NBEA: variants seen among roughly 807,000 people sequenced by gnomAD.
The protein encoded by NBEA is neurobeachin.
NBEA carries 44 observed loss-of-function variants against 343.4 expected under a neutral mutation model. The ratio of observed to expected loss-of-function variants is 0.13; its 90% CI spans 0.10 to 0.16. The LOEUF (loss-of-function observed/expected upper bound fraction) is 0.16, where lower values mean the gene tolerates loss of function less well. Ranked by LOEUF, NBEA falls within the 10% of genes least tolerant of loss-of-function variation. NBEA has a pLI of 1.00. For missense variants in NBEA, 2,555 were observed against 3,631.3 expected, an observed-to-expected ratio of 0.70 and a Z score of 7.62; for synonymous variants, 1,175 against 1,238.7, an observed-to-expected ratio of 0.95 and a Z score of 1.08.
intron 39 of NBEA, among the ~76,000 whole-genome samples, chr13:35,438,686 A>C (rs1431904534): frequency 6.6e-6 from 1 of 152,192 alleles, no homozygotes; most frequent in Non-Finnish European, 1.5e-5. Context: ...TTAATGATGT[A>C]AATTTTTAGA....
chr13:35,212,966 CTTATCA>C (rs1408509516), intron 33 of NBEA, among the ~76,000 whole-genome samples: 1 of 151,380 alleles, frequency 6.6e-6, no homozygotes, highest in African/African-American at 2.4e-5. Context: ...TCTGGCTTTT[CTTATCA>C]TTATCAATAT....
In NBEA at chr13:34,993,594, C is replaced by CA. The variant is rs1028785027; in HGVS notation, c.295-47338dup. Among the ~76,000 whole-genome samples the CA allele has an allele frequency of 8.9e-4, 136 of 152,252 alleles. 1 individual carries two copies. The highest frequency in any genetic ancestry group is 3.4e-3 in the Middle Eastern group (1 of 292). On this transcript the variant is annotated intron_variant, in intron 1 of 58. Coordinates refer to ENST00000379939, the MANE Select transcript of NBEA (RefSeq NM_001385012.1). ...TCCCTACCAGTTCCTATTTCTGACT[C>CA]AGAGTGAGGAAGTTAGTCTCCAAAA...
At chr13:35,097,738 A>G (rs1171656558) in intron 10 of NBEA, among the ~76,000 whole-genome samples, 1 of 150,604 alleles carries the variant, frequency 6.6e-6, no homozygotes, top group African/African-American at 2.4e-5. Flanking sequence ...AAATCATTTT[A>G]TTTGCTCTCA....
chr13:35,355,263 T>C (rs1015857762), intron 38 of NBEA, among the ~76,000 whole-genome samples: 122 of 152,010 alleles, frequency 8.0e-4, no homozygotes, highest in African/African-American at 2.8e-3. Context: ...AGTCTTTCTT[T>C]TTATATTTTT....
chr13:35,236,684 C>G (rs2075252395), intron 34 of NBEA, among the ~76,000 whole-genome samples: 1 of 151,398 alleles, frequency 6.6e-6, no homozygotes, highest in South Asian at 2.1e-4. Flanking sequence ...TCTCAATCTC[C>G]TGACCTCATG....
intron 40 of NBEA, among the ~76,000 whole-genome samples, chr13:35,471,241 G>T (rs945505108): frequency 1.3e-5 from 2 of 152,124 alleles, no homozygotes; most frequent in Admixed American, 1.3e-4. Flanking sequence ...GCTGCGCCAG[G>T]GAAAGCCAAC....
chr13:35,386,286 A>C (rs1411352724), intron 38 of NBEA, among the ~76,000 whole-genome samples: 1 of 152,104 alleles, frequency 6.6e-6, no homozygotes, highest in African/African-American at 2.4e-5. Flanking sequence ...TCTCCAGTAC[A>C]TTATGGATGA....
intron 34 of NBEA, among the ~76,000 whole-genome samples, chr13:35,246,491 T>C (rs564759875): frequency 6.6e-6 from 1 of 152,310 alleles, no homozygotes; most frequent in South Asian, 2.1e-4. Context: ...CTTGATGTCA[T>C]ATTCTTCCCC....
At chr13:35,590,669 A>C (rs2081493729) in intron 46 of NBEA, among the ~76,000 whole-genome samples, 1 of 152,016 alleles carries the variant, frequency 6.6e-6, no homozygotes. Context: ...TTTCACTCAC[A>C]TCTGTTTAAT....
intron 6 of NBEA, 90 bp downstream of exon 6, chr13:35,050,485 G>A (rs895208294): frequency 7.7e-7 from 1 of 1,292,446 alleles, no homozygotes; most frequent in Non-Finnish European, 1.0e-6. Flanking sequence ...CTCTTTCACG[G>A]GTTTTCCTAT....
At chr13:35,666,608 A>C (rs1365605525) in intron 56 of NBEA, among the ~76,000 whole-genome samples, 1 of 152,200 alleles carries the variant, frequency 6.6e-6, no homozygotes, top group Non-Finnish European at 1.5e-5. Flanking sequence ...ATTCAGCTCA[A>C]TTAAAAATAA....
intron 17 of NBEA, among the ~76,000 whole-genome samples, chr13:35,141,479 C>T (rs929057003): frequency 2.0e-5 from 3 of 152,096 alleles, no homozygotes; most frequent in Non-Finnish European, 4.4e-5. Context: ...ATTGGCCAGG[C>T]TTGTCTCGAA....
chr13:34,954,456 C>T lies in NBEA; in HGVS notation c.294+11342C>T, dbSNP rs116572399. ...TCTCATCTTTGGTATAGTTAGTTTG[C>T]TTGTTTCAGTCATATTCAGCTTCGG... On this transcript the variant is annotated intron_variant, in intron 1 of 58. Transcript: ENST00000379939. Among the ~76,000 whole-genome samples, 549 of 152,226 alleles carry T rather than the reference C, an allele frequency of 3.6e-3. 6 individuals carry two copies. Among genetic ancestry groups the T allele is most frequent in the African/African-American group, 0.013 (521 of 41,544 alleles).
At chr13:35,282,803 C>G (rs2035143497) in intron 34 of NBEA, among the ~76,000 whole-genome samples, 1 of 152,122 alleles carries the variant, frequency 6.6e-6, no homozygotes, top group Non-Finnish European at 1.5e-5. Flanking sequence ...TCTTTAGACT[C>G]TTACATAAAT....
intron 10 of NBEA, among the ~76,000 whole-genome samples, chr13:35,086,832 A>G (rs1384807290): frequency 1.3e-5 from 2 of 152,040 alleles, no homozygotes; most frequent in East Asian, 3.9e-4. Context: ...TACTTATAAT[A>G]GCTGCTCTAA....
chr13:35,406,015 C>T (rs2043249154), intron 38 of NBEA, among the ~76,000 whole-genome samples: 1 of 151,976 alleles, frequency 6.6e-6, no homozygotes, highest in Non-Finnish European at 1.5e-5. Context: ...TATGCTATTC[C>T]TGCCCCCTCC....
At chr13:35,221,494 G>T (rs1400865638) in intron 33 of NBEA, among the ~76,000 whole-genome samples, 1 of 151,760 alleles carries the variant, frequency 6.6e-6, no homozygotes, top group Non-Finnish European at 1.5e-5. Context: ...GTTACTTTTG[G>T]TATTCAATAA....
At chr13:35,527,273 G>C (rs907661413) in intron 41 of NBEA, among the ~76,000 whole-genome samples, 1 of 152,132 alleles carries the variant, frequency 6.6e-6, no homozygotes, top group Non-Finnish European at 1.5e-5. Context: ...CTGATCGGCC[G>C]AACGGTCATC....
chr13:35,090,598 A>G (rs2065032218), intron 10 of NBEA, among the ~76,000 whole-genome samples: 1 of 151,900 alleles, frequency 6.6e-6, no homozygotes, highest in South Asian at 2.1e-4. Context: ...ATGTGATGCT[A>G]TATGCCAATA....
Sources: gnomAD v4.1 joint callset for allele counts (sites outside exome capture counted in the v4.1 genomes callset) on GRCh38, gnomAD v4.1.1 for gene constraint, MANE v1.5 for transcripts, NCBI Gene and HGNC (gene_info 2026-07-23, HGNC 2026-07-21) for gene names.